The following OXR1 variants were observed in gnomAD, a reference collection of about 807,000 sequenced individuals.
OXR1 encodes oxidation resistance protein 1.
In OXR1, 41 loss-of-function variants were observed where a neutral mutation model predicts 104.6. That is an observed-to-expected ratio of 0.39 (90% CI 0.31 to 0.51). The LOEUF (loss-of-function observed/expected upper bound fraction) is 0.51. OXR1 is among the 20% of genes least tolerant of loss of function. The pLI is 0.77. For synonymous variants in OXR1, 348 were observed against 348.4 expected, an observed-to-expected ratio of 1.00 and a Z score of 0.01; for missense variants, 955 against 1,031.9, an observed-to-expected ratio of 0.93 and a Z score of 1.02.
At chr8:106,735,812 CATT>C (rs1160665922) in intron 11 of OXR1, among the ~76,000 whole-genome samples, 1 of 151,912 alleles carries the variant, frequency 6.6e-6, no homozygotes, top group Admixed American at 6.6e-5. Context: ...GAAAGTCCTT[CATT>C]ATTTTTATCT....
chr8:106,573,297 G>A (rs1044155663), intron 3 of OXR1, among the ~76,000 whole-genome samples: 1 of 150,648 alleles, frequency 6.6e-6, no homozygotes, highest in Non-Finnish European at 1.5e-5. Context: ...CAAATGTCTG[G>A]GCACCCCATG....
At chr8:106,406,883 G>A (rs1427076013) in intron 2 of OXR1, among the ~76,000 whole-genome samples, 1 of 152,138 alleles carries the variant, frequency 6.6e-6, no homozygotes, top group Non-Finnish European at 1.5e-5. Context: ...TTTATCACTT[G>A]TAACAATGTA....
At chr8:106,311,284 G>C (rs548091127) in intron 1 of OXR1, among the ~76,000 whole-genome samples, 1 of 152,048 alleles carries the variant, frequency 6.6e-6, no homozygotes, top group East Asian at 1.9e-4. Context: ...GTGTTCTAAA[G>C]TTTTCCTCTG....
In OXR1 at chr8:106,602,346, C is replaced by A. The variant is rs180891893; in HGVS notation, c.221-76864C>A. Among the ~76,000 whole-genome samples the A allele has an allele frequency of 1.8e-3, 279 of 152,270 alleles. 2 individuals are homozygous for A. Among genetic ancestry groups the A allele is most frequent in the African/African-American group, 6.6e-3 (274 of 41,540 alleles). ...TAGAGGCCATTGAGAAAGTCACCGT[C>A]GTGGTCTAGGCAAAAGATAAGCATG... On this transcript the variant is annotated intron_variant, in intron 3 of 16. Coordinates refer to ENST00000517566, the MANE Select transcript of OXR1 (RefSeq NM_001198533.2).
intron 3 of OXR1, among the ~76,000 whole-genome samples, chr8:106,602,343 C>T (rs959347944): frequency 5.9e-5 from 9 of 152,134 alleles, no homozygotes; most frequent in Admixed American, 1.3e-4. Context: ...AGAAAGTCAC[C>T]GTCGTGGTCT....
chr8:106,387,468 A>G (rs1036647019), intron 2 of OXR1, among the ~76,000 whole-genome samples: 1 of 152,190 alleles, frequency 6.6e-6, no homozygotes, highest in Non-Finnish European at 1.5e-5. Context: ...GTCTGAAAAA[A>G]GGAGGTCATT....
At chr8:106,349,132 A>G (rs1023432396) in intron 1 of OXR1, among the ~76,000 whole-genome samples, 2 of 152,146 alleles carry the variant, frequency 1.3e-5, no homozygotes, top group East Asian at 3.8e-4. Flanking sequence ...CCCATCAAAC[A>G]CTGAAGATTT....
intron 2 of OXR1, among the ~76,000 whole-genome samples, chr8:106,404,751 G>C (rs1818147179): frequency 6.6e-6 from 1 of 151,940 alleles, no homozygotes; most frequent in South Asian, 2.1e-4. Context: ...TGTTGCCCAG[G>C]CTGGAGTGCA....
intron 2 of OXR1, among the ~76,000 whole-genome samples, chr8:106,366,148 T>C (rs574532769): frequency 6.6e-6 from 1 of 152,300 alleles, no homozygotes; most frequent in East Asian, 1.9e-4. Flanking sequence ...AAATCAAGTG[T>C]TCTTTAGGGG....
At position 106,296,953 on chromosome 8, in the gene OXR1, C is replaced by G. The variant is rs183630448; in HGVS notation, c.-139+26586C>G. Reference sequence around the variant, plus strand: ...TTTCCTTGAAAAAGTTAGTCTTCATCTCTAGGAGGAGTCCAAGCACACCCT... The same window carrying G: ...TTTCCTTGAAAAAGTTAGTCTTCATGTCTAGGAGGAGTCCAAGCACACCCT... On this transcript the variant is annotated intron_variant, in intron 1 of 16. Coordinates refer to ENST00000517566, the MANE Select transcript of OXR1 (RefSeq NM_001198533.2). 1.6e-4 allele frequency among the ~76,000 whole-genome samples: 24 copies of G among 152,290 alleles called. No individual in the cohort carries two copies. In the East Asian group the frequency reaches 4.6e-3, roughly 29 times the overall value.
chr8:106,550,032 T>G (rs1178930053), intron 3 of OXR1, among the ~76,000 whole-genome samples: 1 of 152,214 alleles, frequency 6.6e-6, no homozygotes, highest in Non-Finnish European at 1.5e-5. Flanking sequence ...TTAATCCTTA[T>G]AGCAATCCTG....
At position 106,496,073 on chromosome 8, in the gene OXR1, C is replaced by G. The variant is rs189558878; in HGVS notation, c.24-22870C>G. Among the ~76,000 whole-genome samples, 400 of 152,246 alleles carry G rather than the reference C, an allele frequency of 2.6e-3. 1 individual carries two copies. Among genetic ancestry groups the G allele is most frequent in the African/African-American group, 9.1e-3 (379 of 41,546 alleles). ...AAACGGACATTATTATTTTCCTACT[C>G]AAGTCCATGGACCCCTGAGGATGGA... On this transcript the variant is annotated intron_variant, in intron 2 of 16. Transcript: ENST00000517566.
chr8:106,719,668 T>G (rs1378021593), intron 11 of OXR1, among the ~76,000 whole-genome samples: 1 of 152,206 alleles, frequency 6.6e-6, no homozygotes, highest in Non-Finnish European at 1.5e-5. Flanking sequence ...TGTCACACAG[T>G]CTGGAATATG....
intron 2 of OXR1, among the ~76,000 whole-genome samples, chr8:106,465,979 TCTTCTCTAAGAAGC>T (rs1821152670): frequency 1.3e-5 from 2 of 152,044 alleles, no homozygotes; most frequent in African/African-American, 2.4e-5. Context: ...TCAGACATTA[TCTTCTCTAAGAAGC>T]CTTCTTTAAT....
chr8:106,368,888 A>C (rs1816596206), intron 2 of OXR1, among the ~76,000 whole-genome samples: 1 of 152,166 alleles, frequency 6.6e-6, no homozygotes, highest in African/African-American at 2.4e-5. Context: ...TTAGAGTATA[A>C]TGATTTATAT....
At chr8:106,466,632 G>A (rs1453209) in intron 2 of OXR1, among the ~76,000 whole-genome samples, 17,046 of 151,596 alleles carry the variant, frequency 0.11, 1,224 homozygotes, top group East Asian at 0.27. Flanking sequence ...TTTATAATAA[G>A]TATAAATGTA....
Position 106,657,882 on chromosome 8 carries a change from C to G in OXR1, c.221-21328C>G, listed in dbSNP as rs961041498. On this transcript the variant is annotated intron_variant, in intron 3 of 16. Coordinates refer to ENST00000517566, the MANE Select transcript of OXR1 (RefSeq NM_001198533.2). The stretch of plus-strand genomic sequence containing the variant: ...TCTTGTGAGGCGCGCGGAGCCGCCT[C>G]CCCTGGGTCAGGTCTGATGGGCCGG... The G allele has an allele frequency of 7.2e-6, 9 of 1,243,092 alleles. No individual in the cohort carries two copies. In the South Asian group the frequency reaches 2.5e-4, roughly 35 times the overall value. 77.0% of individuals were successfully genotyped at this position (1,243,092 alleles called of 1,614,324 possible).
At chr8:106,489,549 A>G (rs538923482) in intron 2 of OXR1, among the ~76,000 whole-genome samples, 24 of 152,268 alleles carry the variant, frequency 1.6e-4, no homozygotes, top group African/African-American at 2.2e-4. Flanking sequence ...GTAAATATTT[A>G]TTGGTTGCTT....
At chr8:106,447,934 C>G (rs149658662) in intron 2 of OXR1, 28 of 1,533,688 alleles carry the variant, frequency 1.8e-5, no homozygotes, top group Non-Finnish European at 2.4e-5. Flanking sequence ...AACGAGACAT[C>G]TAGTACGGGG....
Sources: allele counts gnomAD v4.1 joint callset (sites outside exome capture counted in the v4.1 genomes callset), GRCh38; gene constraint gnomAD v4.1.1; transcripts MANE v1.5; gene names NCBI Gene and HGNC (gene_info 2026-07-23, HGNC 2026-07-21).